The following RCL1 variants were observed in gnomAD, a reference collection of about 807,000 sequenced individuals.
RCL1 encodes RNA 3'-terminal phosphate cyclase-like protein.
RCL1 carries 24 observed loss-of-function variants against 42.4 expected under a neutral mutation model. That is an observed-to-expected ratio of 0.57 (90% CI 0.41 to 0.80). The LOEUF (loss-of-function observed/expected upper bound fraction) is 0.80. RCL1 is among the 30% of genes least tolerant of loss of function. The probability of loss-of-function intolerance (pLI) is 0.00; values close to 1 mark genes in which losing one functional copy is unlikely to be tolerated. For missense variants in RCL1, 578 were observed against 467.9 expected, an observed-to-expected ratio of 1.24 and a Z score of -2.17; for synonymous variants, 228 against 177.3, an observed-to-expected ratio of 1.29 and a Z score of -2.27.
chr9:4,838,725 G>A (rs1489892313), intron 5 of RCL1, among the ~76,000 whole-genome samples: 1 of 152,144 alleles, frequency 6.6e-6, no homozygotes, highest in Non-Finnish European at 1.5e-5. Context: ...TGGGCTTTAG[G>A]AGGTTCATAA....
At chr9:4,794,539 C>G (rs1261500065) in intron 1 of RCL1, among the ~76,000 whole-genome samples, 4 of 152,202 alleles carry the variant, frequency 2.6e-5, no homozygotes, top group Admixed American at 2.0e-4. Context: ...CATTCTCAGC[C>G]AGCTCTCCAT....
At chr9:4,793,781 T>C (rs1333008856) in intron 1 of RCL1, among the ~76,000 whole-genome samples, 1 of 152,224 alleles carries the variant, frequency 6.6e-6, no homozygotes, top group Non-Finnish European at 1.5e-5. Context: ...TTTAAAATTC[T>C]GTGTTTGTTT....
chr9:4,854,480 A>G (rs893568001), intron 8 of RCL1, among the ~76,000 whole-genome samples: 2 of 152,170 alleles, frequency 1.3e-5, no homozygotes, highest in African/African-American at 2.4e-5. Flanking sequence ...TCCCATATCC[A>G]GTGGCATAGT....
chr9:4,826,156 G>A (rs1490315987), intron 2 of RCL1, among the ~76,000 whole-genome samples: 2 of 152,138 alleles, frequency 1.3e-5, no homozygotes, highest in African/African-American at 4.8e-5. Context: ...GCTGAGATGG[G>A]AGGATTGCTT....
intron 1 of RCL1, among the ~76,000 whole-genome samples, chr9:4,798,041 T>G (rs577095942): frequency 6.6e-6 from 1 of 152,078 alleles, no homozygotes; most frequent in Non-Finnish European, 1.5e-5. Context: ...TTACTCAAGG[T>G]AAAAAAGCCA....
At chr9:4,793,361 G>C (rs1373653587) in intron 1 of RCL1, 134 bp downstream of exon 1, 3 of 1,044,752 alleles carry the variant, frequency 2.9e-6, no homozygotes, top group Non-Finnish European at 3.9e-6. Context: ...CAGGTGGCGC[G>C]TCGCCTCCAA....
At position 4,824,764 on chromosome 9, in the gene RCL1, T is replaced by A. The variant is rs144482752; in HGVS notation, c.208+1145T>A. 2.3e-3 allele frequency among the ~76,000 whole-genome samples: 344 copies of A among 152,348 alleles called. 4 individuals are homozygous for A. The highest frequency in any genetic ancestry group is 7.8e-3 in the African/African-American group (325 of 41,580). On this transcript the variant is annotated intron_variant, in intron 2 of 8. Coordinates refer to ENST00000381750, the MANE Select transcript of RCL1 (RefSeq NM_005772.5). ...ATCTATAGCTGCATTCAGCCATATC[T>A]TATGGAGAACAGGTTTCGGGAATGA...
intron 5 of RCL1, among the ~76,000 whole-genome samples, chr9:4,839,324 T>A (rs1224580484): frequency 5.3e-5 from 8 of 152,216 alleles, no homozygotes; most frequent in Admixed American, 5.2e-4. Flanking sequence ...TCTGTTTAAT[T>A]TTGAGCAAGT....
At chr9:4,833,356 A>G (rs762941414) in intron 4 of RCL1, 128 bp downstream of exon 4, 44 of 706,140 alleles carry the variant, frequency 6.2e-5, no homozygotes, top group Non-Finnish European at 1.0e-4. Flanking sequence ...GAAGACTCAC[A>G]GGGCTCATGA....
chr9:4,841,198 C>T, intron 5 of RCL1, 34 bp from the exon 6 acceptor site: 1 of 1,613,088 alleles, frequency 6.2e-7, no homozygotes, highest in Non-Finnish European at 8.5e-7. Context: ...TCCTGGAATT[C>T]AAGCAGAATG....
At position 4,826,943 on chromosome 9, in the gene RCL1, C is replaced by T. The variant is rs1396295893; in HGVS notation, c.294C>T (p.Tyr98=). The stretch of plus-strand genomic sequence containing the variant: ...GCGTCCTTCGTGGCATTGGGTATTA[C>T]CTGGAGAGTCTTCTTTGCTTGGCTC... ...DCSVLRGIGY[Y]LESLLCLAPF... is the part of the protein sequence containing the mutation. The change falls in exon 3 of 9, where the codon TAC becomes TAT. Residue 98 remains tyrosine (Y), a synonymous_variant. Coordinates refer to ENST00000381750, the MANE Select transcript of RCL1 (RefSeq NM_005772.5). The T allele has an allele frequency of 6.2e-6, 10 of 1,614,090 alleles. No homozygotes were observed. The highest frequency in any genetic ancestry group is 5.1e-6 in the Non-Finnish European group (6 of 1,179,998).
At chr9:4,846,716 G>C (rs978345561) in intron 7 of RCL1, among the ~76,000 whole-genome samples, 1 of 152,062 alleles carries the variant, frequency 6.6e-6, no homozygotes, top group Non-Finnish European at 1.5e-5. Context: ...CTTTCTAATA[G>C]ACCTTGGGAG....
intron 1 of RCL1, among the ~76,000 whole-genome samples, chr9:4,802,989 T>TTTTTTC (rs1462976498): frequency 6.6e-6 from 1 of 151,852 alleles, no homozygotes; most frequent in Non-Finnish European, 1.5e-5. Flanking sequence ...CTTGGGTAAT[T>TTTTTTC]TTTTTCTTTT....
intron 1 of RCL1, among the ~76,000 whole-genome samples, chr9:4,815,778 G>A (rs144628229): frequency 5.4e-4 from 82 of 152,290 alleles, no homozygotes; most frequent in Middle Eastern, 3.4e-3. Context: ...AGCTACGTAT[G>A]TATACTCCAG....
At chr9:4,797,515 A>T (rs1427396217) in intron 1 of RCL1, among the ~76,000 whole-genome samples, 1 of 152,112 alleles carries the variant, frequency 6.6e-6, no homozygotes, top group Non-Finnish European at 1.5e-5. Context: ...ATTTGGAGAC[A>T]TTTTTGGTTG....
rs542988693 is a variant in RCL1, at chr9:4,841,045, G to A, written c.585-187G>A. Among the ~76,000 whole-genome samples, 3 of 152,172 alleles carry A rather than the reference G, an allele frequency of 2.0e-5. No homozygotes were observed. In the East Asian group the frequency reaches 5.8e-4, roughly 29 times the overall value. On this transcript the variant is annotated intron_variant, in intron 5 of 8. Coordinates refer to ENST00000381750, the MANE Select transcript of RCL1 (RefSeq NM_005772.5). ...CTGTCTCTATTGTTTGGGTGTTTTT[G>A]CCATGACCTTTTATAATAATGAAAA...
Position 4,841,198 on chromosome 9 carries a change from C to G in RCL1, c.585-34C>G, listed in dbSNP as rs1007859110. On this transcript the variant is annotated intron_variant, in intron 5 of 8. Transcript: ENST00000381750. Reference sequence around the variant, plus strand: ...ACTGATTTTTCTCTGTCCTGGAATTCAAGCAGAATGACATCCTTAACTCCA... The same window carrying G: ...ACTGATTTTTCTCTGTCCTGGAATTGAAGCAGAATGACATCCTTAACTCCA... 1.9e-6 allele frequency: 3 copies of G among 1,612,970 alleles called. No individual in the cohort carries two copies. In the African/African-American group the frequency reaches 4.0e-5, roughly 22 times the overall value.
chr9:4,823,707 A>G (rs1816667094), intron 2 of RCL1, 88 bp downstream of exon 2: 4 of 869,018 alleles, frequency 4.6e-6, no homozygotes, highest in African/African-American at 1.7e-5. Flanking sequence ...TTTTTTTTCT[A>G]GTCAGTCTCT....
intron 1 of RCL1, among the ~76,000 whole-genome samples, chr9:4,812,475 G>C (rs1168280618): frequency 6.6e-6 from 1 of 151,994 alleles, no homozygotes; most frequent in Non-Finnish European, 1.5e-5. Context: ...TATTGTGCAG[G>C]TTGGTCTTAA....
Sources: gnomAD v4.1 joint callset for allele counts (sites outside exome capture counted in the v4.1 genomes callset) on GRCh38, gnomAD v4.1.1 for gene constraint, MANE v1.5 for transcripts, NCBI Gene and HGNC (gene_info 2026-07-23, HGNC 2026-07-21) for gene names.